SLC44A5: variants seen among roughly 807,000 people sequenced by gnomAD.
SLC44A5 encodes the protein solute carrier family 44 member 5, also known as choline transporter-like protein 5.
SLC44A5 carries 57 observed loss-of-function variants against 101.8 expected under a neutral mutation model. The ratio of observed to expected loss-of-function variants is 0.56; its 90% CI spans 0.45 to 0.70. The LOEUF (loss-of-function observed/expected upper bound fraction) is 0.70, where lower values mean the gene tolerates loss of function less well. Among genes scored for constraint, SLC44A5 ranks in the 30% least tolerant of loss-of-function variants. The pLI, the probability that SLC44A5 is intolerant of heterozygous loss-of-function variation, is 0.00. For missense variants in SLC44A5, 737 were observed against 853.1 expected, an observed-to-expected ratio of 0.86 and a Z score of 1.70; for synonymous variants, 281 against 290.9, an observed-to-expected ratio of 0.97 and a Z score of 0.35.
At chr1:75,636,346 GATA>G in the SLC44A5 span, among the ~76,000 whole-genome samples, 2 of 151,976 alleles carry the variant, frequency 1.3e-5, no homozygotes, top group Non-Finnish European at 2.9e-5. Context: ...GTAAATGTTA[GATA>G]ATATTATTTA....
At chr1:75,322,426 G>A (rs1415037626) in intron 4 of SLC44A5, among the ~76,000 whole-genome samples, 1 of 151,908 alleles carries the variant, frequency 6.6e-6, no homozygotes, top group Non-Finnish European at 1.5e-5. Flanking sequence ...TTCATCTGAT[G>A]GTCTGTAATG....
At chr1:75,617,969 AG>A in the SLC44A5 span, among the ~76,000 whole-genome samples, 2 of 152,250 alleles carry the variant, frequency 1.3e-5, no homozygotes, top group Non-Finnish European at 2.9e-5. Flanking sequence ...GTTGAAAAGC[AG>A]GTCCTGTCTT....
intron 11 of SLC44A5, among the ~76,000 whole-genome samples, chr1:75,235,675 T>G (rs990436911): frequency 3.9e-5 from 6 of 152,028 alleles, no homozygotes; most frequent in African/African-American, 1.2e-4. Flanking sequence ...CACACTAGTA[T>G]CTCACACAAA....
chr1:75,668,294 A>T, the SLC44A5 span, among the ~76,000 whole-genome samples: 1 of 140,222 alleles, frequency 7.1e-6, no homozygotes, highest in Non-Finnish European at 1.5e-5. Context: ...ACTTAAAAAG[A>T]ATGTCCTGGA....
chr1:75,219,445 T>TA, intron 15 of SLC44A5, 101 bp from the exon 16 acceptor site: 1 of 788,392 alleles, frequency 1.3e-6, no homozygotes, highest in Non-Finnish European at 2.2e-6. Flanking sequence ...GAAATTAACT[T>TA]AAAAAATGCC....
chr1:75,514,492 C>T (rs1177301955), intron 2 of SLC44A5, among the ~76,000 whole-genome samples: 1 of 152,162 alleles, frequency 6.6e-6, no homozygotes, highest in Non-Finnish European at 1.5e-5. Flanking sequence ...ATAACAGACA[C>T]TGAATGGGCA....
intron 2 of SLC44A5, among the ~76,000 whole-genome samples, chr1:75,439,758 G>A (rs747887765): frequency 6.6e-6 from 1 of 152,078 alleles, no homozygotes; most frequent in Non-Finnish European, 1.5e-5. Flanking sequence ...AAGAGAAAAT[G>A]GAGAAAAGGC....
chr1:75,231,245 C>T (rs1224444070), intron 12 of SLC44A5, among the ~76,000 whole-genome samples: 1 of 152,186 alleles, frequency 6.6e-6, no homozygotes, highest in African/African-American at 2.4e-5. Flanking sequence ...GATCCCAGCA[C>T]TGCTATGGGT....
intron 16 of SLC44A5, 142 bp downstream of exon 16, chr1:75,219,115 G>T: frequency 1.5e-6 from 1 of 657,010 alleles, no homozygotes; most frequent in Non-Finnish European, 2.7e-6. Context: ...CTTACCTGAT[G>T]CACACTCCCC....
At chr1:75,535,320 T>A (rs1023840233) in intron 2 of SLC44A5, among the ~76,000 whole-genome samples, 46 of 152,228 alleles carry the variant, frequency 3.0e-4, no homozygotes, top group Admixed American at 1.1e-3. Context: ...GTACACAGAA[T>A]CACTTCTCAG....
chr1:75,383,798 G>A (rs1661085972), intron 3 of SLC44A5, among the ~76,000 whole-genome samples: 1 of 152,000 alleles, frequency 6.6e-6, no homozygotes, highest in African/African-American at 2.4e-5. Flanking sequence ...GTTAAGGGCA[G>A]CCAGAGAGAA....
At chr1:75,333,859 CA>C (rs1657243690) in intron 4 of SLC44A5, among the ~76,000 whole-genome samples, 1 of 152,182 alleles carries the variant, frequency 6.6e-6, no homozygotes. Flanking sequence ...TAGTACACAT[CA>C]AAGTATGAGA....
At chr1:75,462,724 C>T (rs1490800336) in intron 2 of SLC44A5, among the ~76,000 whole-genome samples, 1 of 151,878 alleles carries the variant, frequency 6.6e-6, no homozygotes, top group African/African-American at 2.4e-5. Context: ...AATTCTGGAG[C>T]TGAAAAGTGC....
At chr1:75,700,371 T>C in the SLC44A5 span, among the ~76,000 whole-genome samples, 1 of 152,034 alleles carries the variant, frequency 6.6e-6, no homozygotes, top group African/African-American at 2.4e-5. Context: ...ACCGCTCAAC[T>C]ACATGGAAAC....
intron 5 of SLC44A5, 145 bp downstream of exon 5, chr1:75,300,467 C>G: frequency 2.2e-6 from 1 of 460,060 alleles, no homozygotes; most frequent in Non-Finnish European, 3.7e-6. Context: ...CCGATAAATC[C>G]TGGTGAGGCA....
At chr1:75,626,693 G>C in the SLC44A5 span, among the ~76,000 whole-genome samples, 1 of 151,870 alleles carries the variant, frequency 6.6e-6, no homozygotes, top group East Asian at 1.9e-4. Flanking sequence ...CTCTGTTCTA[G>C]CAACGCCACT....
chr1:75,446,655 C>T (rs1665597307), intron 2 of SLC44A5, among the ~76,000 whole-genome samples: 1 of 150,470 alleles, frequency 6.6e-6, no homozygotes, highest in Non-Finnish European at 1.5e-5. Context: ...GCTATACACA[C>T]ACACACACAC....
At chr1:75,329,193 G>A (rs914073545) in intron 4 of SLC44A5, among the ~76,000 whole-genome samples, 8 of 152,112 alleles carry the variant, frequency 5.3e-5, no homozygotes, top group Non-Finnish European at 7.3e-5. Flanking sequence ...CTCCCTGCTG[G>A]ATAGCTGAGG....
chr1:75,510,460 T>C (rs776672858), intron 2 of SLC44A5, among the ~76,000 whole-genome samples: 4 of 151,962 alleles, frequency 2.6e-5, no homozygotes, highest in Non-Finnish European at 4.4e-5. Context: ...GGTACAAAAA[T>C]TGAAAAAGAC....
Sources: allele counts gnomAD v4.1 joint callset (sites outside exome capture counted in the v4.1 genomes callset), GRCh38; gene constraint gnomAD v4.1.1; transcripts MANE v1.5; gene names NCBI Gene and HGNC (gene_info 2026-07-23, HGNC 2026-07-21).